The following KDM4A variants were observed in gnomAD, a reference collection of about 807,000 sequenced individuals.
KDM4A encodes lysine-specific demethylase 4A.
In KDM4A, 23 loss-of-function variants were observed where a neutral mutation model predicts 127.1. The observed-to-expected ratio is 0.18, with a 90% CI of 0.13 to 0.26. The LOEUF is 0.26. KDM4A is among the 10% of genes least tolerant of loss of function. KDM4A has a pLI of 1.00. For missense variants in KDM4A, 890 were observed against 1,329.1 expected, an observed-to-expected ratio of 0.67 and a Z score of 5.14; for synonymous variants, 443 against 466.5, an observed-to-expected ratio of 0.95 and a Z score of 0.65.
Position 43,671,802 on chromosome 1 carries a change from T to G in KDM4A, c.1661T>G (p.Val554Gly), listed in dbSNP as rs1660625102. The G allele has an allele frequency of 6.2e-7, 1 of 1,609,914 alleles. No homozygotes were observed. ...AGTTATGCCAAAGGGGATGGCAGGG[T>G]CACTGTGGGAGAGCCATGCACGAGG... ...VHSYAKGDGRVTVGEPCTRKK... is the reference protein window; with the variant it reads ...VHSYAKGDGRGTVGEPCTRKK... Residue 554 changes from valine to glycine, a missense_variant, in exon 11 of 22, where the codon GTC (valine) becomes GGC (glycine). Around this residue, in one of 7 missense-constraint regions of KDM4A, gnomAD observed 389 missense variants for 485.9 expected, o/e 0.80. Coordinates refer to ENST00000372396, the MANE Select transcript of KDM4A (RefSeq NM_014663.3).
chr1:43,665,819 G>GT, intron 6 of KDM4A, 74 bp downstream of exon 6: 1 of 1,462,084 alleles, frequency 6.8e-7, no homozygotes, highest in Non-Finnish European at 9.6e-7. Flanking sequence ...TAAAATGTGC[G>GT]TTCCCCATGG....
Position 43,662,959 on chromosome 1 carries a change from G to T in KDM4A, c.495G>T (p.Gly165=). The change falls in exon 5 of 22, where the codon GGG becomes GGT. Residue 165 remains glycine (G), a synonymous_variant. Transcript: ENST00000372396. ...TGGACTTGGTGGAAAAGGAGAGTGG[G>T]ATCACCATTGAGGGTGTGAACACCC... ...TILDLVEKES[G]ITIEGVNTPY... is the part of the protein sequence containing the mutation. 1 of 1,614,130 alleles carries T rather than the reference G, an allele frequency of 6.2e-7. No individual in the cohort carries two copies. The highest frequency in any genetic ancestry group is 1.1e-5 in the South Asian group (1 of 91,070).
chr1:43,679,885 G>T (rs1334032811), intron 11 of KDM4A, among the ~76,000 whole-genome samples: 1 of 152,190 alleles, frequency 6.6e-6, no homozygotes, highest in African/African-American at 2.4e-5. Flanking sequence ...TTGAGTTCCA[G>T]CTTTCTTCAG....
At chr1:43,665,304 C>G (rs1026565633) in intron 5 of KDM4A, among the ~76,000 whole-genome samples, 1 of 152,010 alleles carries the variant, frequency 6.6e-6, no homozygotes, top group South Asian at 2.1e-4. Context: ...CCCAGTTAGG[C>G]CTTTCAAGCA....
chr1:43,662,347 G>A (rs1009739616), intron 4 of KDM4A, among the ~76,000 whole-genome samples: 5 of 151,836 alleles, frequency 3.3e-5, no homozygotes, highest in Admixed American at 1.3e-4. Context: ...CGGTGGCTCA[G>A]GCCTGTAATC....
At chr1:43,665,802 T>C (rs1004320277) in intron 6 of KDM4A, 57 bp downstream of exon 6, 3 of 1,574,572 alleles carry the variant, frequency 1.9e-6, no homozygotes, top group African/African-American at 2.7e-5. Flanking sequence ...TGCTCCTTGC[T>C]CTGCACTAAA....
At chr1:43,685,540 G>A (rs1269476931) in intron 12 of KDM4A, among the ~76,000 whole-genome samples, 6 of 151,884 alleles carry the variant, frequency 4.0e-5, no homozygotes, top group Non-Finnish European at 5.9e-5. Context: ...AGGCCGAGGC[G>A]GGTGGATCAC....
intron 10 of KDM4A, 95 bp downstream of exon 10, chr1:43,669,394 C>CA (rs1660569697): frequency 5.6e-6 from 7 of 1,243,464 alleles, no homozygotes; most frequent in Non-Finnish European, 8.3e-6. Flanking sequence ...ATAAAAAAGG[C>CA]AGAGTGACAG....
intron 11 of KDM4A, among the ~76,000 whole-genome samples, chr1:43,673,817 T>C (rs961881488): frequency 2.6e-5 from 4 of 152,266 alleles, no homozygotes; most frequent in Non-Finnish European, 5.9e-5. Flanking sequence ...CATCCTACTG[T>C]TGACTACTGT....
At position 43,671,665 on chromosome 1, in the gene KDM4A, A is replaced by G. The variant is rs1557909738; in HGVS notation, c.1524A>G (p.Ser508=). ...RLVFSGSKKK[S]SSSLGSGSSR... is the part of the protein sequence containing the mutation. Reference sequence around the variant, plus strand: ...TCTTCTCAGGCTCCAAAAAGAAATCATCTTCTAGCCTGGGCTCTGGCTCTT... The same window carrying G: ...TCTTCTCAGGCTCCAAAAAGAAATCGTCTTCTAGCCTGGGCTCTGGCTCTT... The change falls in exon 11 of 22, where the codon TCA becomes TCG. Residue 508 remains serine, a synonymous_variant. Transcript: ENST00000372396. The G allele has an allele frequency of 1.2e-6, 2 of 1,612,852 alleles. No individual in the cohort carries two copies. Among genetic ancestry groups the G allele is most frequent in the Non-Finnish European group, 1.7e-6 (2 of 1,179,304 alleles).
chr1:43,653,496 T>C (rs538925180), intron 2 of KDM4A, among the ~76,000 whole-genome samples, 183 bp downstream of exon 2: 2 of 152,258 alleles, frequency 1.3e-5, no homozygotes, highest in South Asian at 2.1e-4. Flanking sequence ...TGCTTTTAGG[T>C]AGGAAGAGAG....
chr1:43,690,528 G>A (rs1313813399), intron 13 of KDM4A: 7 of 395,956 alleles, frequency 1.8e-5, no homozygotes, highest in African/African-American at 1.0e-4. Flanking sequence ...AATTACAGGC[G>A]TGAGCCACCT....
At chr1:43,679,670 TAG>T (rs1660816213) in intron 11 of KDM4A, among the ~76,000 whole-genome samples, 1 of 152,154 alleles carries the variant, frequency 6.6e-6, no homozygotes, top group South Asian at 2.1e-4. Flanking sequence ...GCCGAAACTG[TAG>T]AGTTTTCATT....
chr1:43,694,233 GA>G lies in KDM4A; in HGVS notation c.2484+132del. 1.4e-6 allele frequency: 1 copy of G among 720,690 alleles called. No homozygotes were observed. The highest frequency in any genetic ancestry group is 2.3e-6 in the Non-Finnish European group (1 of 431,136). The allele number at this position is 720,690 out of a possible 1,614,324, so 44.6% of individuals were successfully genotyped here. On this transcript the variant is annotated intron_variant, in intron 17 of 21. Coordinates refer to ENST00000372396, the MANE Select transcript of KDM4A (RefSeq NM_014663.3). The surrounding 1 kb of genome is among the most constrained non-coding windows in gnomAD (Gnocchi z 5.2). ...CACTCTGTGGTTAGATTCCTTAGTGGAGGCCAGGTGTGGTGGCTCACACCTG... is the reference window on the plus strand; with the variant it reads ...CACTCTGTGGTTAGATTCCTTAGTGGGGCCAGGTGTGGTGGCTCACACCTG...
chr1:43,664,208 G>T (rs1436174482), intron 5 of KDM4A, among the ~76,000 whole-genome samples: 3 of 152,184 alleles, frequency 2.0e-5, no homozygotes, highest in Admixed American at 6.5e-5. Flanking sequence ...GGGCTTAGCA[G>T]CTGGGAGATT....
intron 11 of KDM4A, among the ~76,000 whole-genome samples, chr1:43,682,091 CTT>C (rs1660872012): frequency 6.6e-6 from 1 of 152,162 alleles, no homozygotes; most frequent in Non-Finnish European, 1.5e-5. Flanking sequence ...ATCTCAGCCT[CTT>C]GAGTAGCTGG....
intron 11 of KDM4A, among the ~76,000 whole-genome samples, chr1:43,681,033 G>C (rs1660845497): frequency 6.6e-6 from 1 of 152,078 alleles, no homozygotes; most frequent in African/African-American, 2.4e-5. Context: ...AATTCTAGAG[G>C]AAATTTCCTT....
At chr1:43,686,968 C>A (rs970058299) in intron 12 of KDM4A, among the ~76,000 whole-genome samples, 15 of 152,154 alleles carry the variant, frequency 9.9e-5, no homozygotes, top group Admixed American at 1.3e-4. Flanking sequence ...ATGGAATGAT[C>A]TGGGGCCACT....
In KDM4A at chr1:43,694,583, G is replaced by C; in HGVS notation, c.2485-126G>C. 1 of 741,566 alleles carries C rather than the reference G, an allele frequency of 1.3e-6. No individual in the cohort carries two copies. The highest frequency in any genetic ancestry group is 1.8e-5 in the South Asian group (1 of 55,868). 45.9% of individuals were successfully genotyped at this position (741,566 alleles called of 1,614,324 possible). A position where few individuals can be genotyped will look rare whatever the true frequency, so the allele number is the denominator to read the frequency against. ...ACCAGACCTGGATTAGAGCAGGCTG[G>C]TGTGTCCTTGTATTTTGGGAAGGGG... On this transcript the variant is annotated intron_variant, in intron 17 of 21. Transcript: ENST00000372396. The surrounding 1 kb of genome is among the most constrained non-coding windows in gnomAD (Gnocchi z 5.2).
Sources: gnomAD v4.1 joint callset for allele counts (sites outside exome capture counted in the v4.1 genomes callset) on GRCh38, gnomAD v4.1.1 for gene constraint, gnomAD v4.1.1 regional missense constraint, Gnocchi (gnomAD v3.1) non-coding constraint, MANE v1.5 for transcripts, NCBI Gene and HGNC (gene_info 2026-07-23, HGNC 2026-07-21) for gene names.